Variants in RSPH14 observed in about 807,000 individuals in gnomAD.
RSPH14 encodes the protein rhabdoid tumor deletion region gene 1.
In RSPH14, 20 loss-of-function variants were observed where a neutral mutation model predicts 26.7. The observed-to-expected ratio is 0.75, with a 90% CI of 0.53 to 1.09. The LOEUF (loss-of-function observed/expected upper bound fraction) is 1.09. Among genes scored for constraint, RSPH14 ranks in the 50% least tolerant of loss-of-function variants. The probability of loss-of-function intolerance (pLI) is 0.00; values close to 1 mark genes in which losing one functional copy is unlikely to be tolerated. For synonymous variants in RSPH14, 177 were observed against 189.3 expected, an observed-to-expected ratio of 0.93 and a Z score of 0.53; for missense variants, 449 against 457.2, an observed-to-expected ratio of 0.98 and a Z score of 0.16.
intron 3 of RSPH14, chr22:23,135,859 TG>T (rs1183402339): frequency 6.6e-6 from 1 of 152,254 alleles, no homozygotes; most frequent in Non-Finnish European, 1.5e-5. Context: ...AGAGGCCTTC[TG>T]AGGTCACGTC....
chr22:23,175,392 G>A, the RSPH14 span, among the ~76,000 whole-genome samples: 1 of 152,098 alleles, frequency 6.6e-6, no homozygotes, highest in African/African-American at 2.4e-5. Context: ...CACCCAGGCT[G>A]GAGTGCAGTG....
chr22:23,091,279 C>T lies in RSPH14; in HGVS notation c.422-27146G>A, dbSNP rs527799620. 4.6e-5 allele frequency among the ~76,000 whole-genome samples: 7 copies of T among 152,354 alleles called. 1 individual carries two copies. The East Asian group carries it at 1.3e-3, about 29-fold the overall frequency. ...ACACAGACACATCCATGCACCTGCA[C>T]TCTCACAGACACAAACAGGGACCTA... On this transcript the variant is annotated intron_variant, in intron 4 of 6. Transcript: ENST00000216036.
At chr22:23,150,013 G>T (rs369887833), upstream of RSPH14, 11 of 1,443,468 alleles carry the variant, frequency 7.6e-6, no homozygotes, top group Admixed American at 2.1e-4. Context: ...CTACGAGGGC[G>T]GAGCCACAGC....
At chr22:23,161,691 GTCCC>G in the RSPH14 span, 1 of 803,528 alleles carries the variant, frequency 1.2e-6, no homozygotes, top group Non-Finnish European at 1.9e-6. Context: ...CCATGTTCCA[GTCCC>G]TCCACCCACC....
At chr22:23,092,056 TG>T (rs2068995619) in intron 4 of RSPH14, among the ~76,000 whole-genome samples, 1 of 152,144 alleles carries the variant, frequency 6.6e-6, no homozygotes, top group Non-Finnish European at 1.5e-5. Context: ...GGCACTGTGG[TG>T]GGGGGTCCTG....
chr22:23,111,768 G>A lies in RSPH14; in HGVS notation c.421+22258C>T, dbSNP rs150716331. On this transcript the variant is annotated intron_variant, in intron 4 of 6. Transcript: ENST00000216036. ...GGAGCCAGCAGGGTCGTGGGCAAGC[G>A]GCCAGGCTCCACAGGGCAAGCCCCT... is the stretch of plus-strand genomic sequence containing the variant. Among the ~76,000 whole-genome samples the A allele has an allele frequency of 1.4e-4, 22 of 152,318 alleles. No individual in the cohort carries two copies. In the East Asian group the frequency reaches 3.3e-3, roughly 23 times the overall value.
At position 23,086,437 on chromosome 22, in the gene RSPH14, G is replaced by A. The variant is rs140165915; in HGVS notation, c.422-22304C>T. Among the ~76,000 whole-genome samples the A allele has an allele frequency of 3.2e-3, 494 of 152,382 alleles. 2 individuals are homozygous for A. The highest frequency in any genetic ancestry group is 0.011 in the African/African-American group (471 of 41,600). On this transcript the variant is annotated intron_variant, in intron 4 of 6. Transcript: ENST00000216036. ...GTGGCAGCAGACGGGGTGGCACGGA[G>A]GTGCAGCTGTCCCCTGCGTGTCTCC...
At chr22:23,146,422 G>A (rs1174584967), upstream of RSPH14, among the ~76,000 whole-genome samples, 1 of 151,540 alleles carries the variant, frequency 6.6e-6, no homozygotes, top group Non-Finnish European at 1.5e-5. Flanking sequence ...TTGTTGCCCA[G>A]GCTGGTCTCA....
At chr22:23,162,793 T>C in the RSPH14 span, 1 of 455,538 alleles carries the variant, frequency 2.2e-6, no homozygotes, top group Middle Eastern at 3.2e-4. Context: ...CCTGGCACAC[T>C]GCAGCTGCCC....
chr22:23,064,421 G>A (rs895407357), intron 4 of RSPH14, among the ~76,000 whole-genome samples: 3 of 152,274 alleles, frequency 2.0e-5, no homozygotes, highest in African/African-American at 4.8e-5. Flanking sequence ...CATAGCAAGC[G>A]CACAGCAGCT....
At chr22:23,104,059 G>C (rs542220873) in intron 4 of RSPH14, among the ~76,000 whole-genome samples, 2 of 152,092 alleles carry the variant, frequency 1.3e-5, no homozygotes, top group Non-Finnish European at 2.9e-5. Flanking sequence ...TGGGATGAAC[G>C]TGGGGGTGGT....
At chr22:23,073,933 G>A (rs1160319282) in intron 4 of RSPH14, among the ~76,000 whole-genome samples, 1 of 151,858 alleles carries the variant, frequency 6.6e-6, no homozygotes, top group Non-Finnish European at 1.5e-5. Flanking sequence ...ACGAGATGGG[G>A]GTGGGGGACT....
At chr22:23,173,022 T>C in the RSPH14 span, among the ~76,000 whole-genome samples, 1 of 151,924 alleles carries the variant, frequency 6.6e-6, no homozygotes, top group Non-Finnish European at 1.5e-5. Context: ...TCTTTTCATA[T>C]GGTAATAGGC....
At chr22:23,146,831 T>C (rs2146481653), upstream of RSPH14, 1 of 1,410,184 alleles carries the variant, frequency 7.1e-7, no homozygotes, top group Non-Finnish European at 9.3e-7. Context: ...GGGAGACTGG[T>C]CACTGACTGC....
the RSPH14 span, among the ~76,000 whole-genome samples, chr22:23,169,961 G>A: frequency 6.6e-6 from 1 of 152,006 alleles, no homozygotes; most frequent in African/African-American, 2.4e-5. Context: ...GCTGGGCATG[G>A]TGGTGTGTGC....
chr22:23,110,711 A>G (rs950649965), intron 4 of RSPH14, among the ~76,000 whole-genome samples: 3 of 152,194 alleles, frequency 2.0e-5, no homozygotes, highest in Non-Finnish European at 4.4e-5. Flanking sequence ...GAGGGTGTCC[A>G]CCCTGGTTGT....
the RSPH14 span, chr22:23,161,688 C>T: frequency 5.0e-6 from 4 of 802,626 alleles, no homozygotes; most frequent in South Asian, 3.5e-5. Context: ...GGCCCATGTT[C>T]CAGTCCCTCC....
In RSPH14 at chr22:23,109,650, C is replaced by T. The variant is rs73386603; in HGVS notation, c.421+24376G>A. ...TGAGGTGTTCAAGCTGGAACAGAGC[C>T]CTCCGTGCAGGCAGGGCCGAGCCTG... On this transcript the variant is annotated intron_variant, in intron 4 of 6. Transcript: ENST00000216036. Among the ~76,000 whole-genome samples the T allele has an allele frequency of 5.2e-3, 786 of 152,286 alleles. 10 individuals carry two copies. Among genetic ancestry groups the T allele is most frequent in the African/African-American group, 0.017 (698 of 41,560 alleles).
intron 3 of RSPH14, among the ~76,000 whole-genome samples, chr22:23,135,826 T>C (rs1042020650): frequency 6.6e-6 from 1 of 152,136 alleles, no homozygotes; most frequent in Non-Finnish European, 1.5e-5. Flanking sequence ...ACCAACTGAC[T>C]GCTGGGCCTG....
Sources: gnomAD v4.1 joint callset for allele counts (sites outside exome capture counted in the v4.1 genomes callset) on GRCh38, gnomAD v4.1.1 for gene constraint, MANE v1.5 for transcripts, NCBI Gene and HGNC (gene_info 2026-07-23, HGNC 2026-07-21) for gene names.